The following RPS6KA2 variants were observed in gnomAD, a reference collection of about 807,000 sequenced individuals.
The protein encoded by RPS6KA2 is ribosomal protein S6 kinase A2.
In RPS6KA2, 42 loss-of-function variants were observed where a neutral mutation model predicts 91.8. The ratio of observed to expected loss-of-function variants is 0.46; its 90% CI spans 0.36 to 0.59. The LOEUF (loss-of-function observed/expected upper bound fraction) is 0.59. Ranked by LOEUF, RPS6KA2 falls within the 20% of genes least tolerant of loss-of-function variation. The pLI, the probability that RPS6KA2 is intolerant of heterozygous loss-of-function variation, is 0.00. For synonymous variants in RPS6KA2, 414 were observed against 393.6 expected (o/e 1.05, Z -0.61); for missense variants, 798 against 978.5 (o/e 0.82, Z 2.46).
chr6:166,712,658 G>A (rs1240169394), intron 2 of RPS6KA2, among the ~76,000 whole-genome samples: 1 of 152,194 alleles, frequency 6.6e-6, no homozygotes, highest in Non-Finnish European at 1.5e-5. Flanking sequence ...CCATGATGAG[G>A]TCACAGTTCC....
chr6:166,845,145 G>C (rs984227901), intron 2 of RPS6KA2, among the ~76,000 whole-genome samples: 2 of 152,110 alleles, frequency 1.3e-5, no homozygotes, highest in African/African-American at 4.8e-5. Flanking sequence ...AAAAGCAGTA[G>C]TTCAACAGGA....
At chr6:166,793,136 T>C (rs1343580037) in intron 2 of RPS6KA2, among the ~76,000 whole-genome samples, 1 of 152,182 alleles carries the variant, frequency 6.6e-6, no homozygotes, top group East Asian at 1.9e-4. Context: ...CTCCTTAAGC[T>C]GATAACCAAC....
chr6:166,475,425 T>C (rs1339576337), intron 10 of RPS6KA2, among the ~76,000 whole-genome samples: 1 of 152,138 alleles, frequency 6.6e-6, no homozygotes, highest in East Asian at 1.9e-4. Flanking sequence ...TGCCCCCAGG[T>C]GTGCCATTCT....
intron 2 of RPS6KA2, among the ~76,000 whole-genome samples, chr6:166,745,794 C>T (rs574325653): frequency 6.6e-6 from 1 of 152,300 alleles, no homozygotes; most frequent in East Asian, 1.9e-4. Flanking sequence ...CTCAGGCCTG[C>T]CACAACTCCC....
At chr6:166,688,174 AG>A (rs1789082861) in intron 2 of RPS6KA2, among the ~76,000 whole-genome samples, 4 of 152,112 alleles carry the variant, frequency 2.6e-5, no homozygotes, top group African/African-American at 9.7e-5. Context: ...CAGGGCTTCC[AG>A]GTTCACTGTG....
At chr6:166,840,688 C>G (rs1364108179) in intron 2 of RPS6KA2, among the ~76,000 whole-genome samples, 1 of 152,180 alleles carries the variant, frequency 6.6e-6, no homozygotes, top group African/African-American at 2.4e-5. Context: ...AAAAAGAAAG[C>G]TGGGCCGGGC....
rs1562523981 is a variant in RPS6KA2, at chr6:166,480,511, ATATAATATATT to A, written c.907+8311_907+8321del. On this transcript the variant is annotated intron_variant, in intron 10 of 20. Coordinates refer to ENST00000265678, the MANE Select transcript of RPS6KA2 (RefSeq NM_021135.6). Reference sequence around the variant, plus strand: ...TATATATATATATATATATATATATATATAATATATTTTTTTTTTTTGAGAGAGAGTTTTGC... The same window carrying A: ...TATATATATATATATATATATATATATTTTTTTTTTGAGAGAGAGTTTTGC... Among the ~76,000 whole-genome samples the A allele has an allele frequency of 7.5e-4, 71 of 94,636 alleles. 5 individuals are homozygous for A. Among genetic ancestry groups the A allele is most frequent in the African/African-American group, 2.3e-3 (60 of 26,222 alleles). 62.1% of individuals were successfully genotyped at this position (94,636 alleles called of 152,430 possible).
intron 2 of RPS6KA2, among the ~76,000 whole-genome samples, chr6:166,797,905 G>A (rs977526789): frequency 2.0e-5 from 3 of 152,146 alleles, no homozygotes; most frequent in Non-Finnish European, 4.4e-5. Context: ...CTGGTCAAGG[G>A]AGGTAAAAGA....
chr6:166,834,755 C>T (rs1583165827), intron 2 of RPS6KA2, among the ~76,000 whole-genome samples: 1 of 152,118 alleles, frequency 6.6e-6, no homozygotes, highest in East Asian at 1.9e-4. Context: ...ATATTTTCTC[C>T]CACTCTGGCC....
chr6:166,719,593 C>T (rs904183326), intron 2 of RPS6KA2, among the ~76,000 whole-genome samples: 3 of 152,200 alleles, frequency 2.0e-5, no homozygotes, highest in African/African-American at 7.2e-5. Context: ...TCTTCTTAAA[C>T]CCCACAATGG....
At chr6:166,806,697 G>A (rs1779501093) in intron 2 of RPS6KA2, among the ~76,000 whole-genome samples, 1 of 152,228 alleles carries the variant, frequency 6.6e-6, no homozygotes, top group Non-Finnish European at 1.5e-5. Context: ...AAGGAATAAA[G>A]ATCTCAGTGA....
intron 16 of RPS6KA2, among the ~76,000 whole-genome samples, chr6:166,425,175 T>G (rs1778865087): frequency 6.6e-6 from 1 of 152,206 alleles, no homozygotes; most frequent in Non-Finnish European, 1.5e-5. Flanking sequence ...TCCCATAGAC[T>G]TAGCTTCCCA....
chr6:166,812,729 C>T (rs1248354206), intron 2 of RPS6KA2, among the ~76,000 whole-genome samples: 2 of 152,184 alleles, frequency 1.3e-5, no homozygotes, highest in Non-Finnish European at 2.9e-5. Flanking sequence ...TTTTTAAGAA[C>T]CTACTTATTT....
exon 1 of RPS6KA2, chr6:166,862,353 T>G (rs1352610051): frequency 7.0e-7 from 1 of 1,434,414 alleles, no homozygotes; most frequent in Non-Finnish European, 9.1e-7. Flanking sequence ...GCGCGGGGCC[T>G]GCGCCGGCCG....
chr6:166,683,693 C>T (rs1197268438), intron 2 of RPS6KA2, among the ~76,000 whole-genome samples: 3 of 152,312 alleles, frequency 2.0e-5, no homozygotes, highest in Non-Finnish European at 4.4e-5. Flanking sequence ...TATGTCAGAG[C>T]ACATCAGACT....
At chr6:166,659,814 C>T (rs1471061647) in intron 2 of RPS6KA2, among the ~76,000 whole-genome samples, 1 of 152,262 alleles carries the variant, frequency 6.6e-6, no homozygotes, top group Non-Finnish European at 1.5e-5. Context: ...ACCAGCGAAC[C>T]TCGGGAGCCC....
At chr6:166,826,746 G>A (rs1320358143) in intron 2 of RPS6KA2, among the ~76,000 whole-genome samples, 1 of 152,026 alleles carries the variant, frequency 6.6e-6, no homozygotes, top group Non-Finnish European at 1.5e-5. Flanking sequence ...CCTATAAGAG[G>A]GACATATATG....
In RPS6KA2 at chr6:166,852,966, G is replaced by C. The variant is rs1887572; in HGVS notation, c.123+5234C>G. Reference sequence around the variant, plus strand: ...GCCCGGATACTTTCTATTCTGCTATGAAAAACAGAGTAAAATTTGAGAGGA... The same window carrying C: ...GCCCGGATACTTTCTATTCTGCTATCAAAAACAGAGTAAAATTTGAGAGGA... On this transcript the variant is annotated intron_variant, in intron 2 of 21. Transcript: ENST00000503859. The surrounding 1 kb of genome is among the most constrained non-coding windows in gnomAD (Gnocchi z 4.1). Among the ~76,000 whole-genome samples the C allele has an allele frequency of 0.53, 79,807 of 152,002 alleles. 21,993 individuals carry two copies. The highest frequency in any genetic ancestry group is 0.65 in the Admixed American group (9,939 of 15,288).
intron 12 of RPS6KA2, among the ~76,000 whole-genome samples, chr6:166,451,838 G>T (rs551215424): frequency 6.6e-6 from 1 of 152,310 alleles, no homozygotes; most frequent in Non-Finnish European, 1.5e-5. Flanking sequence ...TAAGATCTGT[G>T]TTCAAAAGCA....
Sources: gnomAD v4.1 joint callset for allele counts (sites outside exome capture counted in the v4.1 genomes callset) on GRCh38, gnomAD v4.1.1 for gene constraint, Gnocchi (gnomAD v3.1) non-coding constraint, MANE v1.5 for transcripts, NCBI Gene and HGNC (gene_info 2026-07-23, HGNC 2026-07-21) for gene names.